The following TENT4B variants were observed in gnomAD, a reference collection of about 807,000 sequenced individuals.
The protein encoded by TENT4B is PAP associated domain containing 5.
In TENT4B, 10 loss-of-function variants were observed where a neutral mutation model predicts 75.0. That is an observed-to-expected ratio of 0.13 (90% CI 0.08 to 0.23). The LOEUF is 0.23. Ranked by LOEUF, TENT4B falls within the 10% of genes least tolerant of loss-of-function variation. The pLI is 1.00. For synonymous variants in TENT4B, 350 were observed against 357.7 expected (o/e 0.98, Z 0.24); for missense variants, 579 against 893.8 (o/e 0.65, Z 4.49).
At chr16:50,153,301 T>C (rs1402602716), upstream of TENT4B, among the ~76,000 whole-genome samples, 3 of 137,052 alleles carry the variant, frequency 2.2e-5, no homozygotes, top group Non-Finnish European at 4.7e-5. Context: ...CCGCCGCCGC[T>C]CGCTCTTCTG....
intron 1 of TENT4B, among the ~76,000 whole-genome samples, chr16:50,181,773 T>G (rs560046479): frequency 1.3e-5 from 2 of 152,222 alleles, no homozygotes; most frequent in African/African-American, 4.8e-5. Context: ...TTTAAGTGTT[T>G]TATTGGTCCT....
chr16:50,154,278 G>A lies in TENT4B; in HGVS notation c.638+19G>A, dbSNP rs2037844596. The A allele has an allele frequency of 6.4e-6, 9 of 1,396,084 alleles. No homozygotes were observed. The highest frequency in any genetic ancestry group is 7.4e-6 in the Non-Finnish European group (8 of 1,081,712). 86.5% of individuals were successfully genotyped at this position (1,396,084 alleles called of 1,614,324 possible). A position where few individuals can be genotyped will look rare whatever the true frequency, so the allele number is the denominator to read the frequency against. On this transcript the variant is annotated intron_variant, in intron 1 of 11. Coordinates refer to ENST00000561678, the MANE Select transcript of TENT4B (RefSeq NM_001365324.3). ...TCGTGGGGTGAGTGCTGGCTCTGCG[G>A]CCCGATGGCCTGGCCGGTGCGAATG...
In TENT4B at chr16:50,214,797, A is replaced by G. The variant is rs372818557; in HGVS notation, c.809+530A>G. Among the ~76,000 whole-genome samples the G allele has an allele frequency of 7.5e-4, 114 of 152,340 alleles. No individual in the cohort carries two copies. In the South Asian group the frequency reaches 0.022, roughly 29 times the overall value. ...AAGGGATCATGTTGCAATGGAATCAATTAGTTACTAATTTTAGAAATTGAC... is the reference window on the plus strand; with the variant it reads ...AAGGGATCATGTTGCAATGGAATCAGTTAGTTACTAATTTTAGAAATTGAC... On this transcript the variant is annotated intron_variant, in intron 3 of 11. Transcript: ENST00000561678.
At chr16:50,160,060 G>A (rs1056164030) in intron 1 of TENT4B, among the ~76,000 whole-genome samples, 5 of 151,870 alleles carry the variant, frequency 3.3e-5, no homozygotes, top group Non-Finnish European at 4.4e-5. Flanking sequence ...CCACCACACC[G>A]GCTAATTTTT....
chr16:50,194,898 G>A (rs560212395), intron 1 of TENT4B, among the ~76,000 whole-genome samples: 28 of 151,910 alleles, frequency 1.8e-4, no homozygotes, highest in Admixed American at 1.6e-3. Flanking sequence ...ACAGGCGCCC[G>A]CCACCATGCC....
Position 50,225,185 on chromosome 16 carries a change from G to A in TENT4B, c.1700G>A (p.Cys567Tyr), listed in dbSNP as rs1296754097. The A allele has an allele frequency of 6.2e-7, 1 of 1,613,936 alleles. No individual in the cohort carries two copies. The highest frequency in any genetic ancestry group is 8.5e-7 in the Non-Finnish European group (1 of 1,179,818). Reference protein sequence around the residue: ...LSEENEALGKCRSKTSESLSK... With the variant: ...LSEENEALGKYRSKTSESLSK... ...GAAGAAAATGAAGCCCTTGGAAAATGTAGAAGTAAAACCTCGGAATCTCTT... is the reference window on the plus strand; with the variant it reads ...GAAGAAAATGAAGCCCTTGGAAAATATAGAAGTAAAACCTCGGAATCTCTT... The change falls in exon 10 of 12, where the codon TGT becomes TAT. Residue 567 changes from cysteine (C) to tyrosine (Y), a missense_variant. Around this residue, in one of 7 missense-constraint regions of TENT4B, gnomAD observed 164 missense variants for 226.5 expected, o/e 0.72. Coordinates refer to ENST00000561678, the MANE Select transcript of TENT4B (RefSeq NM_001365324.3).
intron 1 of TENT4B, 95 bp from the exon 2 acceptor site, chr16:50,211,228 T>C: frequency 1.6e-6 from 2 of 1,278,036 alleles, no homozygotes; most frequent in Middle Eastern, 2.5e-4. Flanking sequence ...AGTCATCAGC[T>C]GAATTATAAG....
At chr16:50,188,654 T>G (rs770474397) in intron 1 of TENT4B, among the ~76,000 whole-genome samples, 2 of 152,242 alleles carry the variant, frequency 1.3e-5, no homozygotes, top group Non-Finnish European at 2.9e-5. Context: ...GAAACATTGC[T>G]TTATTCCCTA....
chr16:50,206,957 T>C (rs549076266), intron 1 of TENT4B, among the ~76,000 whole-genome samples: 1 of 151,888 alleles, frequency 6.6e-6, no homozygotes, highest in South Asian at 2.1e-4. Flanking sequence ...TTTTTAAATA[T>C]GGAATCTGTT....
chr16:50,189,399 A>G (rs188638591), intron 1 of TENT4B, among the ~76,000 whole-genome samples: 2 of 152,330 alleles, frequency 1.3e-5, no homozygotes, highest in East Asian at 3.9e-4. Context: ...AAGAACCTTC[A>G]TGTCCCTTTG....
chr16:50,194,874 A>G (rs1968187), intron 1 of TENT4B, among the ~76,000 whole-genome samples: 115,919 of 150,150 alleles, frequency 0.77, 44,828 homozygotes, highest in Non-Finnish European at 0.8. Flanking sequence ...TCAGCCTCCC[A>G]AGTAGCTGGG....
In TENT4B at chr16:50,230,842, G is replaced by T; in HGVS notation, c.*1514G>T. 2 of 985,352 alleles carry T rather than the reference G, an allele frequency of 2.0e-6. No individual in the cohort carries two copies. The highest frequency in any genetic ancestry group is 2.4e-6 in the Non-Finnish European group (2 of 829,604). The allele number at this position is 985,352 out of a possible 1,614,324, so 61.0% of individuals were successfully genotyped here. On this transcript the variant is annotated 3_prime_UTR_variant, in exon 12 of 12. Coordinates refer to ENST00000561678, the MANE Select transcript of TENT4B (RefSeq NM_001365324.3). ...CATTTCTGAAAATGCTTTCTTTCAG[G>T]GTGAAAGCTCTTATGTTTAGCATCA...
At chr16:50,216,280 T>G in intron 4 of TENT4B, 85 bp downstream of exon 4, 1 of 1,504,116 alleles carries the variant, frequency 6.6e-7, no homozygotes, top group Non-Finnish European at 9.1e-7. Flanking sequence ...TGAGCACAGT[T>G]GCATTGCAAG....
At chr16:50,206,975 C>T (rs1430200287) in intron 1 of TENT4B, among the ~76,000 whole-genome samples, 1 of 149,768 alleles carries the variant, frequency 6.7e-6, no homozygotes, top group Non-Finnish European at 1.5e-5. Flanking sequence ...GTTTTTTGGA[C>T]ACCTCCTTGT....
In TENT4B at chr16:50,229,203, A is replaced by G. The variant is rs1360801702; in HGVS notation, c.2017A>G (p.Thr673Ala). 6.2e-7 allele frequency: 1 copy of G among 1,613,974 alleles called. No homozygotes were observed. The highest frequency in any genetic ancestry group is 8.5e-7 in the Non-Finnish European group (1 of 1,179,870). Residue 673 changes from threonine (T) to alanine (A), a missense_variant, in exon 12 of 12, where the codon ACT (threonine) becomes GCT (alanine). Physicochemically the swap from Thr to Ala is moderately conservative, Grantham distance 58 (BLOSUM62 0). Transcript: ENST00000561678. ...RSSSKGFQGT[T>A]QTSHGSLMTN... ...TTCCAGCAAAGGCTTCCAAGGTACAACTCAAACAAGCCATGGTTCCTTGAT... is the reference window on the plus strand; with the variant it reads ...TTCCAGCAAAGGCTTCCAAGGTACAGCTCAAACAAGCCATGGTTCCTTGAT...
chr16:50,182,626 T>G (rs1311362767), intron 1 of TENT4B, among the ~76,000 whole-genome samples: 1 of 152,196 alleles, frequency 6.6e-6, no homozygotes, highest in South Asian at 2.1e-4. Context: ...TAAATACACT[T>G]TCCTATGTGA....
In TENT4B at chr16:50,229,505, AC is replaced by A. The variant is rs1473059291; in HGVS notation, c.*178del. The A allele has an allele frequency of 4.2e-5, 52 of 1,245,786 alleles. No homozygotes were observed. The highest frequency in any genetic ancestry group is 6.2e-5 in the African/African-American group (4 of 64,394). The allele number at this position is 1,245,786 out of a possible 1,614,324, so 77.2% of individuals were successfully genotyped here. ...ATGAAGACTGACAACTGCAAAAAAA[AC>A]AAAACAAAACAAAAAAAAAAGCAAG... On this transcript the variant is annotated 3_prime_UTR_variant, in exon 12 of 12. Coordinates refer to ENST00000561678, the MANE Select transcript of TENT4B (RefSeq NM_001365324.3).
At chr16:50,212,923 G>T (rs1040559679) in intron 2 of TENT4B, among the ~76,000 whole-genome samples, 1 of 152,140 alleles carries the variant, frequency 6.6e-6, no homozygotes, top group East Asian at 1.9e-4. Context: ...TTCTTAGGTG[G>T]AGGTTGATTA....
At chr16:50,200,998 C>T (rs1024749719) in intron 1 of TENT4B, among the ~76,000 whole-genome samples, 10 of 151,846 alleles carry the variant, frequency 6.6e-5, no homozygotes, top group African/African-American at 1.7e-4. Context: ...GGTGGGATCT[C>T]GCCATGTTAC....
Sources: allele counts gnomAD v4.1 joint callset (sites outside exome capture counted in the v4.1 genomes callset), GRCh38; gene constraint gnomAD v4.1.1; regional missense constraint gnomAD v4.1.1; transcripts MANE v1.5; gene names NCBI Gene and HGNC (gene_info 2026-07-23, HGNC 2026-07-21).